Variants in MBD5 observed in about 807,000 individuals in gnomAD.
MBD5 encodes the protein methyl-CpG-binding domain protein 5.
MBD5 carries 13 observed loss-of-function variants against 117.3 expected under a neutral mutation model. That is an observed-to-expected ratio of 0.11 (90% confidence interval 0.07 to 0.18). The LOEUF is 0.18. Among genes scored for constraint, MBD5 ranks in the 10% least tolerant of loss-of-function variants. MBD5 has a pLI of 1.00. For missense variants in MBD5, 1,879 were observed against 2,093.8 expected (o/e 0.90, Z 2.00); for synonymous variants, 727 against 766.4 (o/e 0.95, Z 0.85).
intron 1 of MBD5, among the ~76,000 whole-genome samples, chr2:148,158,326 A>G (rs1006611925): frequency 6.6e-6 from 1 of 152,206 alleles, no homozygotes; most frequent in African/African-American, 2.4e-5. Context: ...ATACACAGCA[A>G]AAGACCTAAA....
At chr2:148,078,074 C>T (rs556412144) in intron 1 of MBD5, among the ~76,000 whole-genome samples, 22 of 152,202 alleles carry the variant, frequency 1.4e-4, no homozygotes, top group Admixed American at 3.9e-4. Context: ...TTTCCTATGC[C>T]GTTGAGTTGC....
intron 7 of MBD5, among the ~76,000 whole-genome samples, chr2:148,465,331 A>G (rs1707227898): frequency 6.6e-6 from 1 of 152,094 alleles, no homozygotes. Context: ...TTTATGATTA[A>G]TGTGTACTCT....
chr2:148,431,072 C>T (rs1455524158), intron 4 of MBD5, among the ~76,000 whole-genome samples: 1 of 152,030 alleles, frequency 6.6e-6, no homozygotes, highest in East Asian at 1.9e-4. Context: ...TGGAGAGGAA[C>T]AAGAACTCAA....
chr2:148,508,186 C>G (rs777815705), intron 12 of MBD5, among the ~76,000 whole-genome samples: 7 of 152,140 alleles, frequency 4.6e-5, no homozygotes, highest in Non-Finnish European at 1.0e-4. Context: ...GCTTGGCAGA[C>G]ACCTCATTAG....
At chr2:148,117,723 T>C (rs1396258685) in intron 1 of MBD5, among the ~76,000 whole-genome samples, 1 of 152,188 alleles carries the variant, frequency 6.6e-6, no homozygotes, top group African/African-American at 2.4e-5. Flanking sequence ...TATTAAGTAT[T>C]TAACTGCATG....
At chr2:148,061,495 C>T (rs1033297630) in intron 1 of MBD5, among the ~76,000 whole-genome samples, 10 of 151,888 alleles carry the variant, frequency 6.6e-5, no homozygotes, top group African/African-American at 1.9e-4. Flanking sequence ...GGAAATCTAC[C>T]ATATCATAAA....
At chr2:148,389,250 ACATATAT>A (rs1186814289) in intron 4 of MBD5, among the ~76,000 whole-genome samples, 1 of 29,146 alleles carries the variant, frequency 3.4e-5, no homozygotes, top group East Asian at 1.7e-3. Flanking sequence ...GGAAAAAAAA[ACATATAT>A]ATATATATAT....
intron 2 of MBD5, among the ~76,000 whole-genome samples, chr2:148,229,786 A>G (rs1046043847): frequency 2.0e-5 from 3 of 152,196 alleles, no homozygotes; most frequent in African/African-American, 7.2e-5. Context: ...GTCCTGGACA[A>G]CATCCAGAAG....
chr2:148,368,306 TCA>T (rs895281448), intron 4 of MBD5, among the ~76,000 whole-genome samples: 1 of 151,908 alleles, frequency 6.6e-6, no homozygotes, highest in African/African-American at 2.4e-5. Flanking sequence ...GAGGGGAACA[TCA>T]CACACTGGGG....
chr2:148,179,287 G>A (rs528681982), intron 2 of MBD5, among the ~76,000 whole-genome samples: 18 of 151,314 alleles, frequency 1.2e-4, no homozygotes, highest in Admixed American at 7.9e-4. Context: ...CCCGGGAGGC[G>A]GAGCTTGCAG....
At chr2:148,445,330 G>C (rs545407727) in intron 4 of MBD5, among the ~76,000 whole-genome samples, 28 of 147,404 alleles carry the variant, frequency 1.9e-4, no homozygotes, top group Middle Eastern at 3.4e-3. Context: ...TGTTCCCCTT[G>C]CTGTGTCCAA....
intron 3 of MBD5, among the ~76,000 whole-genome samples, chr2:148,237,342 C>T (rs1700111979): frequency 6.6e-6 from 1 of 152,172 alleles, no homozygotes. Context: ...TACAGTGCTT[C>T]ATTATTTCTA....
At chr2:148,129,215 C>T (rs1696976749) in intron 1 of MBD5, among the ~76,000 whole-genome samples, 1 of 152,112 alleles carries the variant, frequency 6.6e-6, no homozygotes, top group African/African-American at 2.4e-5. Flanking sequence ...GTGACCCAGA[C>T]CGGGTGCTGT....
chr2:148,325,722 CTCT>C (rs1271338058), intron 3 of MBD5, among the ~76,000 whole-genome samples: 3 of 152,010 alleles, frequency 2.0e-5, no homozygotes, highest in African/African-American at 7.2e-5. Context: ...TGATTCTTCT[CTCT>C]TTTTTTCTTT....
chr2:148,475,487 G>A (rs12469218), intron 8 of MBD5, among the ~76,000 whole-genome samples: 28,427 of 151,948 alleles, frequency 0.19, 3,573 homozygotes, highest in East Asian at 0.53. Context: ...AATATGTTCA[G>A]CTGTAGACGT....
chr2:148,251,558 G>C (rs781379900), intron 3 of MBD5, among the ~76,000 whole-genome samples: 1 of 152,112 alleles, frequency 6.6e-6, no homozygotes, highest in Non-Finnish European at 1.5e-5. Flanking sequence ...AAGTAGAATG[G>C]CTAACATAAA....
At chr2:148,106,656 G>C (rs543735563) in intron 1 of MBD5, among the ~76,000 whole-genome samples, 1 of 150,936 alleles carries the variant, frequency 6.6e-6, no homozygotes, top group African/African-American at 2.4e-5. Context: ...GTATTACTCA[G>C]TATTCTTATT....
intron 1 of MBD5, among the ~76,000 whole-genome samples, chr2:148,070,470 A>T (rs1359270763): frequency 5.3e-5 from 8 of 152,214 alleles, no homozygotes; most frequent in African/African-American, 1.9e-4. Context: ...AAATAAGTTT[A>T]AAAAATTCTC....
At chr2:148,223,129 A>C (rs1699732561) in intron 2 of MBD5, among the ~76,000 whole-genome samples, 1 of 152,064 alleles carries the variant, frequency 6.6e-6, no homozygotes, top group Non-Finnish European at 1.5e-5. Flanking sequence ...CCTGGTCATG[A>C]TGAATAATCT....
Sources: gnomAD v4.1 joint callset for allele counts (sites outside exome capture counted in the v4.1 genomes callset) on GRCh38, gnomAD v4.1.1 for gene constraint, MANE v1.5 for transcripts, NCBI Gene and HGNC (gene_info 2026-07-23, HGNC 2026-07-21) for gene names.